The following SCAPER variants were observed in gnomAD, a reference collection of about 807,000 sequenced individuals.
The protein encoded by SCAPER is S phase cyclin A-associated protein in the endoplasmic reticulum.
A neutral mutation model predicts 182.2 loss-of-function variants in SCAPER; 98 were observed. The ratio of observed to expected loss-of-function variants is 0.54; its 90% confidence interval spans 0.46 to 0.64. The LOEUF is 0.64. Among genes scored for constraint, SCAPER ranks in the 30% least tolerant of loss-of-function variants. SCAPER has a pLI of 0.00. For missense variants in SCAPER, 1,432 were observed against 1,690.0 expected, an observed-to-expected ratio of 0.85 and a Z score of 2.68; for synonymous variants, 605 against 564.6, an observed-to-expected ratio of 1.07 and a Z score of -1.01.
At chr15:76,455,436 T>C (rs879298649) in intron 25 of SCAPER, among the ~76,000 whole-genome samples, 1 of 152,204 alleles carries the variant, frequency 6.6e-6, no homozygotes, top group Admixed American at 6.5e-5. Flanking sequence ...AATTGTATAA[T>C]ACTTCTATTT....
chr15:76,883,865 G>C lies in SCAPER; in HGVS notation c.-48C>G, dbSNP rs2073707955. The C allele has an allele frequency of 1.5e-6, 2 of 1,379,118 alleles. No individual in the cohort carries two copies. Among genetic ancestry groups the C allele is most frequent in the Non-Finnish European group, 2.0e-6 (2 of 1,005,780 alleles). 85.4% of individuals were successfully genotyped at this position (1,379,118 alleles called of 1,614,324 possible). ...AAGATCATTTATCACATAAACCCAT[G>C]GAGTATGACTCCTACAATAAAAAAT... On this transcript the variant is annotated 5_prime_UTR_variant, in exon 2 of 32. Transcript: ENST00000563290.
At chr15:76,382,463 A>G (rs978055129) in intron 27 of SCAPER, among the ~76,000 whole-genome samples, 1 of 151,782 alleles carries the variant, frequency 6.6e-6, no homozygotes, top group Non-Finnish European at 1.5e-5. Context: ...TCTGGGATTA[A>G]GAGTCCCATG....
At chr15:76,600,994 A>G (rs1159996254) in intron 22 of SCAPER, among the ~76,000 whole-genome samples, 1 of 122,062 alleles carries the variant, frequency 8.2e-6, no homozygotes, top group African/African-American at 2.5e-5. Context: ...AAAAACAACA[A>G]CAGAAGAAAT....
chr15:76,603,878 GT>G (rs1359821434), intron 22 of SCAPER, among the ~76,000 whole-genome samples: 2 of 120,058 alleles, frequency 1.7e-5, no homozygotes, highest in East Asian at 2.2e-4. Flanking sequence ...TGATGGGGTT[GT>G]TTTTTTTCTT....
chr15:76,366,924 G>C (rs2041855823), intron 29 of SCAPER, among the ~76,000 whole-genome samples: 1 of 152,170 alleles, frequency 6.6e-6, no homozygotes, highest in South Asian at 2.1e-4. Flanking sequence ...ACAGTGTTTT[G>C]AGTGGCAGCC....
At chr15:76,618,182 C>G (rs2051674172) in intron 22 of SCAPER, among the ~76,000 whole-genome samples, 2 of 152,132 alleles carry the variant, frequency 1.3e-5, no homozygotes, top group Non-Finnish European at 2.9e-5. Flanking sequence ...ACCACTTGAA[C>G]CCGGGAGGAA....
At chr15:76,546,432 C>T (rs1201607284) in intron 23 of SCAPER, among the ~76,000 whole-genome samples, 1 of 152,042 alleles carries the variant, frequency 6.6e-6, no homozygotes, top group Non-Finnish European at 1.5e-5. Flanking sequence ...TCAAGGAATC[C>T]TCCCACCTTG....
At position 76,684,225 on chromosome 15, in the gene SCAPER, T is replaced by C. The variant is rs1229722112; in HGVS notation, c.2508+17533A>G. 2.6e-5 allele frequency among the ~76,000 whole-genome samples: 4 copies of C among 151,668 alleles called. No individual in the cohort carries two copies. The South Asian group carries it at 6.2e-4, about 24-fold the overall frequency. Reference sequence around the variant, plus strand: ...CAAATCTACACATACGAATATTAACTCTGAATGGTATAAATGTCCCAATTA... The same window carrying C: ...CAAATCTACACATACGAATATTAACCCTGAATGGTATAAATGTCCCAATTA... On this transcript the variant is annotated intron_variant, in intron 20 of 31. Coordinates refer to ENST00000563290, the MANE Select transcript of SCAPER (RefSeq NM_020843.4).
rs757014793 is a variant in SCAPER at position 76,348,644 on chromosome 15, CTTTT to C, written c.4188_4191del (p.Lys1397ArgfsTer8). The C allele has an allele frequency of 6.5e-7, 1 of 1,542,474 alleles. No individual in the cohort carries two copies. Among genetic ancestry groups the C allele is most frequent in the South Asian group, 1.2e-5 (1 of 81,730 alleles). ...ATCAACCAAAACATTTATTTTTTCT[CTTTT>C]TTCAAGAAAAACTGTCGAGCTTCTT... On this transcript the variant is annotated frameshift_variant, in exon 32 of 32. Transcript: ENST00000563290. LOFTEE classifies it high-confidence loss of function.
At chr15:76,458,021 C>A (rs1308951665) in intron 25 of SCAPER, among the ~76,000 whole-genome samples, 2 of 151,800 alleles carry the variant, frequency 1.3e-5, no homozygotes, top group African/African-American at 4.8e-5. Context: ...CACATTTATT[C>A]TTGAAGGATA....
intron 20 of SCAPER, among the ~76,000 whole-genome samples, chr15:76,670,712 T>C (rs1448078157): frequency 6.6e-6 from 1 of 152,206 alleles, no homozygotes; most frequent in Non-Finnish European, 1.5e-5. Context: ...GAAATATTGG[T>C]ATTAGTATGC....
At chr15:76,883,209 G>A (rs1001510329) in intron 2 of SCAPER, among the ~76,000 whole-genome samples, 4 of 152,166 alleles carry the variant, frequency 2.6e-5, no homozygotes, top group African/African-American at 9.7e-5. Context: ...TTTTGATTAA[G>A]GTTGGTCACC....
At chr15:76,751,070 T>C (rs1054298855) in intron 15 of SCAPER, among the ~76,000 whole-genome samples, 4 of 151,670 alleles carry the variant, frequency 2.6e-5, no homozygotes, top group African/African-American at 7.3e-5. Flanking sequence ...CAAAAATCAA[T>C]TGCATTTCTA....
chr15:76,875,067 T>C (rs1380282882), intron 2 of SCAPER, among the ~76,000 whole-genome samples: 1 of 152,188 alleles, frequency 6.6e-6, no homozygotes, highest in Non-Finnish European at 1.5e-5. Flanking sequence ...TTACCAAACC[T>C]TGGCATAAAA....
At chr15:76,758,547 C>T (rs1453069316) in intron 14 of SCAPER, among the ~76,000 whole-genome samples, 1 of 152,116 alleles carries the variant, frequency 6.6e-6, no homozygotes, top group East Asian at 1.9e-4. Context: ...TCTTCTTGCT[C>T]AAGATGACTT....
chr15:76,869,175 TAAAAG>T (rs1222076470), intron 2 of SCAPER, among the ~76,000 whole-genome samples: 1 of 151,738 alleles, frequency 6.6e-6, no homozygotes. Context: ...AAATAAAACT[TAAAAG>T]AAATGCTCCA....
chr15:76,449,384 T>G (rs1441945969), intron 25 of SCAPER, among the ~76,000 whole-genome samples: 2 of 152,302 alleles, frequency 1.3e-5, no homozygotes, highest in Non-Finnish European at 2.9e-5. Flanking sequence ...ATGAAAGTCT[T>G]TGCCCTAGAA....
At chr15:76,413,408 T>A (rs1467736572) in intron 26 of SCAPER, among the ~76,000 whole-genome samples, 1 of 152,252 alleles carries the variant, frequency 6.6e-6, no homozygotes, top group African/African-American at 2.4e-5. Context: ...GTGTTACATT[T>A]GTTTCATTTT....
At position 76,711,609 on chromosome 15, in the gene SCAPER, A is replaced by T. The variant is rs1013563877; in HGVS notation, c.2166-5625T>A. Among the ~76,000 whole-genome samples, 19 of 152,302 alleles carry T rather than the reference A, an allele frequency of 1.2e-4. 1 individual carries two copies. The highest frequency in any genetic ancestry group is 4.1e-4 in the African/African-American group (17 of 41,574). ...AAATGAACAAACACTATGAAAAAAT[A>T]GTTTTTAATGATTGCCATTCTAACT... is the stretch of plus-strand genomic sequence containing the variant. On this transcript the variant is annotated intron_variant, in intron 17 of 31. Transcript: ENST00000563290.
Sources: gnomAD v4.1 joint callset for allele counts (sites outside exome capture counted in the v4.1 genomes callset) on GRCh38, gnomAD v4.1.1 for gene constraint, MANE v1.5 for transcripts, NCBI Gene and HGNC (gene_info 2026-07-23, HGNC 2026-07-21) for gene names.